Variants in SLC38A4 observed in about 807,000 individuals in gnomAD.
SLC38A4 encodes the protein sodium-coupled neutral amino acid transporter 4.
Under a neutral mutation model 63.1 loss-of-function variants are expected in SLC38A4, and 20 were observed. The ratio of observed to expected loss-of-function variants is 0.32; its 90% CI spans 0.22 to 0.46. SLC38A4 has a LOEUF of 0.46. Ranked by LOEUF, SLC38A4 falls within the 20% of genes least tolerant of loss-of-function variation. The probability of loss-of-function intolerance (pLI) is 1.00; values close to 1 mark genes in which losing one functional copy is unlikely to be tolerated. For missense variants in SLC38A4, 526 were observed against 663.6 expected, an observed-to-expected ratio of 0.79 and a Z score of 2.28; for synonymous variants, 230 against 225.5, an observed-to-expected ratio of 1.02 and a Z score of -0.18.
chr12:46,787,392 C>T (rs777432437), intron 5 of SLC38A4, among the ~76,000 whole-genome samples: 7 of 152,080 alleles, frequency 4.6e-5, no homozygotes, highest in Non-Finnish European at 1.0e-4. Context: ...GCGCAGTATT[C>T]AGGTGAGACT....
chr12:46,823,995 ACTGACAGTCTCTGAAC>A (rs1939600028), intron 1 of SLC38A4, among the ~76,000 whole-genome samples: 1 of 152,204 alleles, frequency 6.6e-6, no homozygotes, highest in Non-Finnish European at 1.5e-5. Context: ...GTAGTGTAAC[ACTGACAGTCTCTGAAC>A]CTGAACATCT....
In SLC38A4 at chr12:46,819,602, C is replaced by T. The variant is rs78132796; in HGVS notation, c.-305+6301G>A. Reference sequence around the variant, plus strand: ...GATCAGATTATATGATGACTTAGATCGTCTTGGAAATAATTTAGTAATGAT... The same window carrying T: ...GATCAGATTATATGATGACTTAGATTGTCTTGGAAATAATTTAGTAATGAT... On this transcript the variant is annotated intron_variant, in intron 1 of 16. Transcript: ENST00000266579. 2.8e-4 allele frequency among the ~76,000 whole-genome samples: 43 copies of T among 151,774 alleles called. No homozygotes were observed. The East Asian group carries it at 7.4e-3, about 26-fold the overall frequency.
chr12:46,766,109 A>G lies in SLC38A4; in HGVS notation c.*592T>C, dbSNP rs921849492. 1 of 202,662 alleles carries G rather than the reference A, an allele frequency of 4.9e-6. No homozygotes were observed. Among genetic ancestry groups the G allele is most frequent in the Non-Finnish European group, 1.0e-5 (1 of 98,194 alleles). 12.6% of individuals were successfully genotyped at this position (202,662 alleles called of 1,614,324 possible). ...GAAGTCACAACTCAATGTCACAAAC[A>G]GGGTGGGCAAAATATTATTTTGCTG... On this transcript the variant is annotated 3_prime_UTR_variant, in exon 17 of 17. Transcript: ENST00000266579.
intron 3 of SLC38A4, among the ~76,000 whole-genome samples, chr12:46,789,040 A>G (rs962535745): frequency 1.3e-5 from 2 of 152,114 alleles, no homozygotes; most frequent in Non-Finnish European, 2.9e-5. Flanking sequence ...TTAAATGCCT[A>G]GGCACTGTGA....
Position 46,779,774 on chromosome 12 carries a change from C to A in SLC38A4, c.658+6G>T. 1 of 1,601,826 alleles carries A rather than the reference C, an allele frequency of 6.2e-7. No homozygotes were observed. Among genetic ancestry groups the A allele is most frequent in the Middle Eastern group, 1.7e-4 (1 of 6,004 alleles). On this transcript the variant is annotated splice_donor_region_variant and intron_variant, in intron 9 of 16. Transcript: ENST00000266579. The stretch of plus-strand genomic sequence containing the variant: ...AAAAATATTTCCAGTTAGAAAATAT[C>A]TTTACCTAAATTTTTAAGGAGCGAA...
chr12:46,808,310 T>C (rs1939275942), intron 1 of SLC38A4, among the ~76,000 whole-genome samples: 1 of 151,992 alleles, frequency 6.6e-6, no homozygotes, highest in African/African-American at 2.4e-5. Context: ...TTTGAGGAAA[T>C]TGCTTAGCTG....
chr12:46,796,655 G>A (rs1285926772), intron 2 of SLC38A4, among the ~76,000 whole-genome samples: 3 of 152,144 alleles, frequency 2.0e-5, no homozygotes, highest in African/African-American at 7.2e-5. Flanking sequence ...CGGGGGTGAA[G>A]CATTTTAATG....
chr12:46,803,544 A>C (rs888301532), intron 2 of SLC38A4, 59 bp downstream of exon 2: 6 of 152,094 alleles, frequency 3.9e-5, no homozygotes, highest in African/African-American at 1.2e-4. Flanking sequence ...CAACACAATA[A>C]AAATAAGAAA....
intron 7 of SLC38A4, among the ~76,000 whole-genome samples, chr12:46,781,267 G>A (rs774954758): frequency 2.0e-5 from 3 of 151,990 alleles, no homozygotes; most frequent in Non-Finnish European, 4.4e-5. Flanking sequence ...TGCTTCTTCT[G>A]TACTGTCAAA....
At chr12:46,830,938 C>T (rs1939723361), upstream of SLC38A4, among the ~76,000 whole-genome samples, 1 of 152,256 alleles carries the variant, frequency 6.6e-6, no homozygotes, top group South Asian at 2.1e-4. Context: ...GTGCCCGCAT[C>T]ACTGCCTCCT....
intron 1 of SLC38A4, among the ~76,000 whole-genome samples, chr12:46,804,380 A>G (rs750629775): frequency 1.3e-5 from 2 of 152,058 alleles, no homozygotes; most frequent in Non-Finnish European, 2.9e-5. Flanking sequence ...TAACTCTGCC[A>G]TATTTTATAT....
intron 1 of SLC38A4, among the ~76,000 whole-genome samples, chr12:46,832,069 C>A (rs1034747461): frequency 6.6e-6 from 1 of 152,092 alleles, no homozygotes; most frequent in African/African-American, 2.4e-5. Flanking sequence ...TACGTTATTT[C>A]TAGTCAACCG....
chr12:46,798,392 G>A (rs569530259), intron 2 of SLC38A4, among the ~76,000 whole-genome samples: 19 of 152,090 alleles, frequency 1.2e-4, no homozygotes, highest in Non-Finnish European at 2.8e-4. Context: ...CTACATCTCA[G>A]GTCATTTGCA....
Position 46,784,554 on chromosome 12 carries a change from G to T in SLC38A4, c.481C>A (p.Gln161Lys). ...KIGAFVSITM[Q>K]NIGAMSSYLF... ...TATATCCCCTTACCTCCAATGTTCT[G>T]CATTGTAATGGAAACAAAAGCTCCA... Residue 161 changes from glutamine (Q) to lysine (K), a missense_variant, in exon 7 of 17, where the codon CAG becomes AAG. Gln to Lys is a moderately conservative substitution (Grantham distance 53, BLOSUM62 1). Transcript: ENST00000266579. 1 of 1,612,234 alleles carries T rather than the reference G, an allele frequency of 6.2e-7. No individual in the cohort carries two copies. Among genetic ancestry groups the T allele is most frequent in the Non-Finnish European group, 8.5e-7 (1 of 1,178,916 alleles).
rs180422 is a variant in SLC38A4 at position 46,777,550 on chromosome 12, T to C, written c.1074-546A>G. The stretch of plus-strand genomic sequence containing the variant: ...AATACTTGAAAGTGTTCTGAAATTT[T>C]TTATGAGGTAAATCAGAATTTATGG... On this transcript the variant is annotated intron_variant, in intron 12 of 16. Coordinates refer to ENST00000266579, the MANE Select transcript of SLC38A4 (RefSeq NM_018018.5). 7.5e-3 allele frequency among the ~76,000 whole-genome samples: 1,148 copies of C among 152,134 alleles called. 6 individuals carry two copies. Among genetic ancestry groups the C allele is most frequent in the Middle Eastern group, 0.014 (4 of 294 alleles).
chr12:46,824,905 T>C (rs1939616641), intron 1 of SLC38A4, among the ~76,000 whole-genome samples: 1 of 152,244 alleles, frequency 6.6e-6, no homozygotes, highest in South Asian at 2.1e-4. Flanking sequence ...CACACATTAT[T>C]CCAATGTCAG....
chr12:46,825,280 A>C (rs1291703370), intron 1 of SLC38A4, among the ~76,000 whole-genome samples: 1 of 143,070 alleles, frequency 7.0e-6, no homozygotes, highest in Admixed American at 6.9e-5. Flanking sequence ...GTGCAACTGG[A>C]TGCAAATTTA....
At chr12:46,802,461 C>T (rs1359529489) in intron 2 of SLC38A4, among the ~76,000 whole-genome samples, 1 of 151,922 alleles carries the variant, frequency 6.6e-6, no homozygotes, top group Non-Finnish European at 1.5e-5. Context: ...TAAAAAACAG[C>T]TTCAATAACC....
intron 1 of SLC38A4, among the ~76,000 whole-genome samples, chr12:46,817,350 G>A (rs1939460576): frequency 6.6e-6 from 1 of 150,396 alleles, no homozygotes; most frequent in Non-Finnish European, 1.5e-5. Flanking sequence ...TAGAGGAATT[G>A]TCTCCTGCTT....
Sources: gnomAD v4.1 joint callset for allele counts (sites outside exome capture counted in the v4.1 genomes callset) on GRCh38, gnomAD v4.1.1 for gene constraint, MANE v1.5 for transcripts, NCBI Gene and HGNC (gene_info 2026-07-23, HGNC 2026-07-21) for gene names.